Variants in POLR1B observed in about 807,000 individuals in gnomAD.
POLR1B encodes RNA polymerase I subunit B.
POLR1B carries 30 observed loss-of-function variants against 105.8 expected under a neutral mutation model. The observed-to-expected ratio is 0.28, with a 90% CI of 0.21 to 0.38. The LOEUF (loss-of-function observed/expected upper bound fraction) is 0.38, where lower values mean the gene tolerates loss of function less well. Ranked by LOEUF, POLR1B falls within the 10% of genes least tolerant of loss-of-function variation. POLR1B has a pLI of 1.00. For synonymous variants in POLR1B, 485 were observed against 505.1 expected (o/e 0.96, Z 0.53); for missense variants, 976 against 1,435.8 (o/e 0.68, Z 5.17).
In POLR1B at chr2:112,575,629, G is replaced by A. The variant is rs369075034; in HGVS notation, c.3308G>A (p.Arg1103His). The change falls in exon 15 of 15, where the codon CGC becomes CAC. Residue 1103 changes from arginine (R) to histidine (H), a missense_variant. By Grantham distance (29) the Arg-to-His change is conservative (BLOSUM62 0). This residue lies in a region of POLR1B where 77 missense variants were observed against 104.5 expected (regional missense o/e 0.74). Coordinates refer to ENST00000263331, the MANE Select transcript of POLR1B (RefSeq NM_019014.6). The surrounding 1 kb of genome is among the most constrained non-coding windows in gnomAD (Gnocchi z 5.3). The part of the protein sequence containing the change: ...NRKYNCTLCS[R>H]SDTIDTVSVP... ...AAATACAACTGTACTCTGTGTAGTC[G>A]CAGTGACACTATCGATACTGTTTCT... The A allele has an allele frequency of 1.2e-5, 20 of 1,613,980 alleles. 1 individual carries two copies. In the Middle Eastern group the frequency reaches 4.9e-4, roughly 40 times the overall value.
intron 1 of POLR1B, chr2:112,545,790 C>A: frequency 2.8e-6 from 1 of 361,826 alleles, no homozygotes; most frequent in Non-Finnish European, 5.3e-6. Flanking sequence ...CAGGCGTGCA[C>A]CACTATGCCC....
rs1212719048 is a variant in POLR1B at position 112,572,706 on chromosome 2, A to G, written c.2219A>G (p.Asn740Ser). 2 of 1,612,262 alleles carry G rather than the reference A, an allele frequency of 1.2e-6. No individual in the cohort carries two copies. Among genetic ancestry groups the G allele is most frequent in the Admixed American group, 1.7e-5 (1 of 59,616 alleles). The change falls in exon 13 of 15, where the codon AAT (asparagine) becomes AGT (serine). Residue 740 changes from asparagine (N) to serine (S), a missense_variant. By Grantham distance (46) the Asn-to-Ser change is conservative. Around this residue, in one of 12 missense-constraint regions of POLR1B, gnomAD observed 46 missense variants for 66.8 expected, o/e 0.69. Transcript: ENST00000263331. Reference protein sequence around the residue: ...YDMDNYPIGTNAIVAVISYTG... With the variant: ...YDMDNYPIGTSAIVAVISYTG... ...ATGGATAACTATCCAATTGGGACCA[A>G]TGCCATCGTTGCTGTGATTTCTTAC...
Position 112,551,775 on chromosome 2 carries a change from G to A in POLR1B, c.763G>A (p.Ala255Thr), listed in dbSNP as rs1386609594. Reference sequence around the variant, plus strand: ...TTAAACCTTTTATTTTCTATTCTAGGCACTTGTCAGCTTTTCTGATTATCA... The same window carrying A: ...TTAAACCTTTTATTTTCTATTCTAGACACTTGTCAGCTTTTCTGATTATCA... The part of the protein sequence containing the change: ...FFLPLGFALK[A>T]LVSFSDYQIF... Residue 255 changes from alanine (A) to threonine (T), a missense_variant and splice_region_variant, in exon 6 of 15, where the codon GCA becomes ACA. By Grantham distance (58) the Ala-to-Thr change is moderately conservative (BLOSUM62 0). Transcript: ENST00000263331. The A allele has an allele frequency of 1.2e-6, 2 of 1,610,452 alleles. No homozygotes were observed. Among genetic ancestry groups the A allele is most frequent in the African/African-American group, 1.3e-5 (1 of 74,718 alleles).
intron 3 of POLR1B, chr2:112,548,191 A>G (rs1428500124): frequency 6.6e-6 from 1 of 152,260 alleles, no homozygotes; most frequent in African/African-American, 2.4e-5. Flanking sequence ...AATCAAGATG[A>G]ACAAACAGTG....
At chr2:112,560,052 A>G (rs13010601) in intron 9 of POLR1B, among the ~76,000 whole-genome samples, 34,587 of 151,718 alleles carry the variant, frequency 0.23, 4,129 homozygotes, top group Middle Eastern at 0.27. Context: ...GCTCCTCTGT[A>G]GAAGGCCGAA....
At chr2:112,543,490 G>C (rs1238704244) in intron 1 of POLR1B, among the ~76,000 whole-genome samples, 1 of 152,198 alleles carries the variant, frequency 6.6e-6, no homozygotes, top group Non-Finnish European at 1.5e-5. Context: ...GTTTGAGAAA[G>C]GGCAGGATTA....
chr2:112,551,032 A>G, intron 5 of POLR1B, 30 bp downstream of exon 5: 2 of 1,600,180 alleles, frequency 1.2e-6, no homozygotes, highest in Non-Finnish European at 8.6e-7. Flanking sequence ...TTCTTTTGTT[A>G]TGAAGAAATT....
chr2:112,542,195 G>T, upstream of POLR1B: 1 of 1,535,708 alleles, frequency 6.5e-7, no homozygotes. Context: ...CGGGGAGCGG[G>T]TTTCCACCTG....
chr2:112,572,651 G>A lies in POLR1B; in HGVS notation c.2164G>A (p.Val722Met). The change falls in exon 13 of 15, where the codon GTG becomes ATG. Residue 722 changes from valine (V) to methionine (M), a missense_variant. Physicochemically the swap from Val to Met is conservative, Grantham distance 21. Transcript: ENST00000263331. ...TCTTCAGACTCCTCAGAGTCCCTTG[G>A]TGAGACCCTCCATGTATGATTATTA... Reference protein sequence around the residue: ...YRLQTPQSPLVRPSMYDYYDM... With the variant: ...YRLQTPQSPLMRPSMYDYYDM... 1 of 1,613,630 alleles carries A rather than the reference G, an allele frequency of 6.2e-7. No homozygotes were observed. Among genetic ancestry groups the A allele is most frequent in the South Asian group, 1.1e-5 (1 of 90,978 alleles).
chr2:112,561,835 T>C (rs2104548956), intron 9 of POLR1B, among the ~76,000 whole-genome samples: 1 of 152,248 alleles, frequency 6.6e-6, no homozygotes, highest in Non-Finnish European at 1.5e-5. Context: ...TCTGTTTGTT[T>C]GTTTGTTTGT....
intron 7 of POLR1B, among the ~76,000 whole-genome samples, chr2:112,554,793 C>G (rs887863157): frequency 6.6e-6 from 1 of 152,134 alleles, no homozygotes; most frequent in Non-Finnish European, 1.5e-5. Context: ...GTAATCCCAG[C>G]ACTTTGGGAG....
Position 112,551,874 on chromosome 2 carries a change from A to C in POLR1B, c.862A>C (p.Ile288Leu). 6.2e-7 allele frequency: 1 copy of C among 1,614,008 alleles called. No homozygotes were observed. Among genetic ancestry groups the C allele is most frequent in the Non-Finnish European group, 8.5e-7 (1 of 1,179,876 alleles). ...LRNSVSQMLR[I>L]VMEEGCSTQK... ...GAACTCTGTTTCTCAGATGTTAAGGATTGTAATGGAAGAGGGTTGTTCGAC... is the reference window on the plus strand; with the variant it reads ...GAACTCTGTTTCTCAGATGTTAAGGCTTGTAATGGAAGAGGGTTGTTCGAC... The change falls in exon 6 of 15, where the codon ATT becomes CTT. Residue 288 changes from isoleucine (I) to leucine (L), a missense_variant. Physicochemically the swap from Ile to Leu is conservative, Grantham distance 5 (BLOSUM62 2). Around this residue, in one of 12 missense-constraint regions of POLR1B, gnomAD observed 452 missense variants for 616.5 expected, o/e 0.73. Coordinates refer to ENST00000263331, the MANE Select transcript of POLR1B (RefSeq NM_019014.6).
At chr2:112,558,178 CGA>C (rs1480409816) in intron 8 of POLR1B, 97 bp downstream of exon 8, 2 of 980,836 alleles carry the variant, frequency 2.0e-6, no homozygotes, top group African/African-American at 1.7e-5. Flanking sequence ...GCAAACCCCA[CGA>C]AAAAAGTAAA....
intron 7 of POLR1B, among the ~76,000 whole-genome samples, chr2:112,556,485 A>G (rs1333750940): frequency 6.6e-6 from 1 of 152,228 alleles, no homozygotes; most frequent in Non-Finnish European, 1.5e-5. Context: ...CACCACAGTG[A>G]TATTAAATGC....
In POLR1B at chr2:112,579,223, A is replaced by AGC. The variant is rs1684993505; in HGVS notation, c.*3494_*3495insGC. Among the ~76,000 whole-genome samples, 1 of 138,630 alleles carries AGC rather than the reference A, an allele frequency of 7.2e-6. No individual in the cohort carries two copies. Among genetic ancestry groups the AGC allele is most frequent in the African/African-American group, 3.1e-5 (1 of 32,554 alleles). The allele number at this position is 138,630 out of a possible 152,430, so 90.9% of individuals were successfully genotyped here. A position where few individuals can be genotyped will look rare whatever the true frequency, so the allele number is the denominator to read the frequency against. ...ACTAGAGTCTCAAAAAAAAAAAAAA[A>AGC]AAAAAAAAAAAAAAAAAGGAAAGCA... On this transcript the variant is annotated 3_prime_UTR_variant, in exon 15 of 15. Transcript: ENST00000263331.
At chr2:112,547,346 T>G (rs1683110404) in intron 2 of POLR1B, 75 bp from the exon 3 acceptor site, 1 of 1,525,848 alleles carries the variant, frequency 6.6e-7, no homozygotes, top group Non-Finnish European at 9.0e-7. Context: ...TCTTCCTCAG[T>G]CTTTGAAAAT....
At position 112,574,946 on chromosome 2, in the gene POLR1B, GA is replaced by G; in HGVS notation, c.2627del (p.Asn876ThrfsTer18). 1 of 1,614,126 alleles carries G rather than the reference GA, an allele frequency of 6.2e-7. No homozygotes were observed. The highest frequency in any genetic ancestry group is 8.5e-7 in the Non-Finnish European group (1 of 1,180,030). ...TTTGCATCACTATGAGAGTGCCTCG[GA>G]ACCCAACTATCGGAGATAAATTTGC... is the stretch of plus-strand genomic sequence containing the variant. ...CVCITMRVPR[N>X]PTIGDKFASR... On this transcript the variant is annotated frameshift_variant, in exon 15 of 15. Transcript: ENST00000263331. LOFTEE classifies it high-confidence loss of function.
chr2:112,547,622 G>A (rs548739172), intron 3 of POLR1B, 55 bp downstream of exon 3: 11 of 1,550,652 alleles, frequency 7.1e-6, no homozygotes, highest in African/African-American at 1.4e-5. Context: ...TTGGGAGTAA[G>A]AAGACAAGAA....
Position 112,565,342 on chromosome 2 carries a change from T to A in POLR1B, c.1746+843T>A, listed in dbSNP as rs76865446. On this transcript the variant is annotated intron_variant, in intron 10 of 14. Transcript: ENST00000263331. ...TTTGCCCTACATCCTTTATCTTCTG[T>A]ATACTCAATTTTTTTCTTTTGAACC... Among the ~76,000 whole-genome samples the A allele has an allele frequency of 2.0e-3, 310 of 152,328 alleles. 7 individuals are homozygous for A. The East Asian group carries it at 0.049, about 24-fold the overall frequency.
Sources: allele counts gnomAD v4.1 joint callset (sites outside exome capture counted in the v4.1 genomes callset), GRCh38; gene constraint gnomAD v4.1.1; regional missense constraint gnomAD v4.1.1; non-coding constraint Gnocchi (gnomAD v3.1); transcripts MANE v1.5; gene names NCBI Gene and HGNC (gene_info 2026-07-23, HGNC 2026-07-21).